Variants in AGAP1 observed in about 807,000 individuals in gnomAD.
The protein encoded by AGAP1 is arf-GAP with GTPase, ANK repeat and PH domain-containing protein 1.
Under a neutral mutation model 105.3 loss-of-function variants are expected in AGAP1, and 29 were observed. The ratio of observed to expected loss-of-function variants is 0.28; its 90% CI spans 0.21 to 0.38. AGAP1 has a LOEUF of 0.38. AGAP1 is among the 10% of genes least tolerant of loss of function. The probability of loss-of-function intolerance (pLI) is 1.00; values close to 1 mark genes in which losing one functional copy is unlikely to be tolerated. For missense variants in AGAP1, 998 were observed against 1,165.1 expected, an observed-to-expected ratio of 0.86 and a Z score of 2.09; for synonymous variants, 509 against 485.9, an observed-to-expected ratio of 1.05 and a Z score of -0.63.
intron 9 of AGAP1, among the ~76,000 whole-genome samples, chr2:235,880,278 C>T (rs530210667): frequency 2.0e-5 from 3 of 152,134 alleles, no homozygotes; most frequent in South Asian, 4.2e-4. Flanking sequence ...TCCCACACGC[C>T]AGCCAGAAGA....
chr2:235,735,724 A>G (rs569026958), intron 3 of AGAP1, among the ~76,000 whole-genome samples: 2 of 152,160 alleles, frequency 1.3e-5, no homozygotes, highest in Admixed American at 1.3e-4. Flanking sequence ...ATTTAGGGAG[A>G]AATTAAGACC....
Position 235,834,873 on chromosome 2 carries a change from T to C in AGAP1, c.1050+27542T>C, listed in dbSNP as rs949724498. 2.6e-5 allele frequency among the ~76,000 whole-genome samples: 4 copies of C among 152,220 alleles called. No individual in the cohort carries two copies. The East Asian group carries it at 5.8e-4, about 22-fold the overall frequency. ...GGTGGAGGATGAGGCCCCTCTGCCA[T>C]AGGGAGAGCCTGTCTTAATCACGCC... On this transcript the variant is annotated intron_variant, in intron 9 of 17. Coordinates refer to ENST00000304032, the MANE Select transcript of AGAP1 (RefSeq NM_001037131.3).
intron 1 of AGAP1, among the ~76,000 whole-genome samples, chr2:235,672,012 T>C (rs760326341): frequency 3.1e-4 from 47 of 152,014 alleles, no homozygotes; most frequent in East Asian, 5.8e-4. Flanking sequence ...CCTGAAGATA[T>C]TGTGGCCACA....
Position 235,615,205 on chromosome 2 carries a change from G to A in AGAP1, c.164-93974G>A, listed in dbSNP as rs946569188. ...ACTTCCACTGCCAGCCAGCTTGCAC[G>A]GTCCAGGGACGTCCCCACCCTCGGT... On this transcript the variant is annotated intron_variant, in intron 1 of 17. Transcript: ENST00000304032. This position sits in a 1 kb window ranked among gnomAD's most constrained non-coding sequence, Gnocchi z 5.0. 1.3e-5 allele frequency among the ~76,000 whole-genome samples: 2 copies of A among 152,164 alleles called. No individual in the cohort carries two copies. The highest frequency in any genetic ancestry group is 2.9e-5 in the Non-Finnish European group (2 of 68,034).
At chr2:235,499,114 T>A (rs1941450553) in intron 1 of AGAP1, among the ~76,000 whole-genome samples, 1 of 152,170 alleles carries the variant, frequency 6.6e-6, no homozygotes, top group Non-Finnish European at 1.5e-5. Flanking sequence ...CTTAGGACAC[T>A]TGTGCGAGAG....
rs1309564774 is a variant in AGAP1, at chr2:235,612,762, C to T, written c.164-96417C>T. Reference sequence around the variant, plus strand: ...GTGCCACCTGGGCTTGCATGCCGGACGCATACCTGGCACCTGCTTCCAGGT... The same window carrying T: ...GTGCCACCTGGGCTTGCATGCCGGATGCATACCTGGCACCTGCTTCCAGGT... On this transcript the variant is annotated intron_variant, in intron 1 of 17. Coordinates refer to ENST00000304032, the MANE Select transcript of AGAP1 (RefSeq NM_001037131.3). The surrounding 1 kb of genome is among the most constrained non-coding windows in gnomAD (Gnocchi z 4.3). Among the ~76,000 whole-genome samples, 3 of 152,258 alleles carry T rather than the reference C, an allele frequency of 2.0e-5. No individual in the cohort carries two copies. The highest frequency in any genetic ancestry group is 1.9e-4 in the East Asian group (1 of 5,158).
chr2:235,941,940 TA>T (rs1305952403), intron 12 of AGAP1, among the ~76,000 whole-genome samples: 3 of 152,122 alleles, frequency 2.0e-5, no homozygotes, highest in Non-Finnish European at 2.9e-5. Flanking sequence ...AAAAGCATTC[TA>T]AAAAGGTTTG....
In AGAP1 at chr2:235,714,335, A is replaced by C. The variant is rs1311468076; in HGVS notation, c.223-3222A>C. ...CCAGCCAGGGGTTAGGTTTCAACAT[A>C]TGAGTTTGGCTGGGAGTGTGGGGGT... On this transcript the variant is annotated intron_variant, in intron 2 of 17. Coordinates refer to ENST00000304032, the MANE Select transcript of AGAP1 (RefSeq NM_001037131.3). The surrounding 1 kb of genome is among the most constrained non-coding windows in gnomAD (Gnocchi z 4.1). Among the ~76,000 whole-genome samples the C allele has an allele frequency of 6.6e-6, 1 of 151,976 alleles. No homozygotes were observed. Among genetic ancestry groups the C allele is most frequent in the African/African-American group, 2.4e-5 (1 of 41,380 alleles).
chr2:236,106,265 C>T (rs1490127062), intron 16 of AGAP1, among the ~76,000 whole-genome samples: 2 of 152,240 alleles, frequency 1.3e-5, no homozygotes, highest in African/African-American at 4.8e-5. Flanking sequence ...ACCGTTGGTC[C>T]ATCTGCAGAG....
Position 236,105,917 on chromosome 2 carries a change from AAG to A in AGAP1, c.2115-14272_2115-14271del, listed in dbSNP as rs911752525. Among the ~76,000 whole-genome samples the A allele has an allele frequency of 1.3e-5, 2 of 152,046 alleles. No homozygotes were observed. The highest frequency in any genetic ancestry group is 1.3e-4 in the Admixed American group (2 of 15,262). ...CGGCCCCTCTTGTGCCTCTTCTTATAAGAGTGAGAATCCCATTCATGGGAGTC... is the reference window on the plus strand; with the variant it reads ...CGGCCCCTCTTGTGCCTCTTCTTATAAGTGAGAATCCCATTCATGGGAGTC... On this transcript the variant is annotated intron_variant, in intron 16 of 17. Transcript: ENST00000304032. The surrounding 1 kb of genome is among the most constrained non-coding windows in gnomAD (Gnocchi z 4.2).
In AGAP1 at chr2:235,957,886, G is replaced by A. The variant is rs930762646; in HGVS notation, c.1484-10576G>A. Among the ~76,000 whole-genome samples the A allele has an allele frequency of 4.6e-5, 7 of 152,012 alleles. No homozygotes were observed. Among genetic ancestry groups the A allele is most frequent in the African/African-American group, 1.7e-4 (7 of 41,372 alleles). ...TTTCCTCTCCTGGCACCTACAAATG[G>A]GCCTGTCTTTGATAATTTTAAATTA... On this transcript the variant is annotated intron_variant, in intron 12 of 17. Transcript: ENST00000304032. This position sits in a 1 kb window ranked among gnomAD's most constrained non-coding sequence, Gnocchi z 4.6.
intron 1 of AGAP1, among the ~76,000 whole-genome samples, chr2:235,499,515 A>T (rs1233295973): frequency 1.6e-4 from 24 of 152,220 alleles, no homozygotes; most frequent in Admixed American, 1.6e-3. Context: ...CCTTAAAAAT[A>T]ACACTCAGTT....
Position 236,105,733 on chromosome 2 carries a change from A to C in AGAP1, c.2115-14459A>C, listed in dbSNP as rs572611195. 6.6e-6 allele frequency among the ~76,000 whole-genome samples: 1 copy of C among 151,590 alleles called. No homozygotes were observed. Among genetic ancestry groups the C allele is most frequent in the African/African-American group, 2.4e-5 (1 of 41,374 alleles). ...CTCAGCCTCCCGAGTAGCTGGGACT[A>C]CAGGCGCCCGCCACCATGCCCGGCT... On this transcript the variant is annotated intron_variant, in intron 16 of 17. Coordinates refer to ENST00000304032, the MANE Select transcript of AGAP1 (RefSeq NM_001037131.3). The surrounding 1 kb of genome is among the most constrained non-coding windows in gnomAD (Gnocchi z 4.2).
At position 235,977,785 on chromosome 2, in the gene AGAP1, C is replaced by G. The variant is rs1406789413; in HGVS notation, c.1645+9162C>G. 6.6e-6 allele frequency among the ~76,000 whole-genome samples: 1 copy of G among 152,150 alleles called. No individual in the cohort carries two copies. Reference sequence around the variant, plus strand: ...GATATTGACTAATGCAAAACTTAGTCTGTGTGGAAGCAACTTGGCAAATGG... The same window carrying G: ...GATATTGACTAATGCAAAACTTAGTGTGTGTGGAAGCAACTTGGCAAATGG... On this transcript the variant is annotated intron_variant, in intron 13 of 17. Transcript: ENST00000304032. The surrounding 1 kb of genome is among the most constrained non-coding windows in gnomAD (Gnocchi z 5.2).
At chr2:235,862,562 G>C (rs2048972537) in intron 9 of AGAP1, among the ~76,000 whole-genome samples, 1 of 152,222 alleles carries the variant, frequency 6.6e-6, no homozygotes, top group Admixed American at 6.5e-5. Flanking sequence ...CCATGGGGTA[G>C]GGCAGTGCAA....
intron 13 of AGAP1, among the ~76,000 whole-genome samples, chr2:236,031,252 C>T (rs897378663): frequency 2.0e-5 from 3 of 152,192 alleles, no homozygotes; most frequent in African/African-American, 7.2e-5. Flanking sequence ...ATTAACTAAA[C>T]TTGAAGTTTG....
At position 236,038,819 on chromosome 2, in the gene AGAP1, A is replaced by G. The variant is rs12052469; in HGVS notation, c.1801-1932A>G. ...GAGAGACAGAGGCACATCCCTTTGT[A>G]TGTGTGTGTGTGTGTGTGTGTGTGT... On this transcript the variant is annotated intron_variant, in intron 14 of 17. Coordinates refer to ENST00000304032, the MANE Select transcript of AGAP1 (RefSeq NM_001037131.3). The surrounding 1 kb of genome is among the most constrained non-coding windows in gnomAD (Gnocchi z 4.5). 0.046 allele frequency among the ~76,000 whole-genome samples: 4,406 copies of G among 95,934 alleles called. 304 individuals carry two copies. The highest frequency in any genetic ancestry group is 0.16 in the South Asian group (515 of 3,156). 62.9% of individuals were successfully genotyped at this position (95,934 alleles called of 152,430 possible). A position where few individuals can be genotyped will look rare whatever the true frequency, so the allele number is the denominator to read the frequency against.
chr2:235,754,042 A>G lies in AGAP1; in HGVS notation c.673+3554A>G, dbSNP rs1953696325. 2.0e-5 allele frequency among the ~76,000 whole-genome samples: 3 copies of G among 152,238 alleles called. No homozygotes were observed. The highest frequency in any genetic ancestry group is 1.5e-5 in the Non-Finnish European group (1 of 68,040). On this transcript the variant is annotated intron_variant, in intron 6 of 17. Transcript: ENST00000304032. The surrounding 1 kb of genome is among the most constrained non-coding windows in gnomAD (Gnocchi z 4.6). ...ACATTGTAAGGTTTATATAAAGTTG[A>G]AGAAATTGAGGCTCAGAGAAATGAC... is the stretch of plus-strand genomic sequence containing the variant.
At position 235,953,291 on chromosome 2, in the gene AGAP1, C is replaced by T. The variant is rs1037931055; in HGVS notation, c.1484-15171C>T. 2.6e-5 allele frequency among the ~76,000 whole-genome samples: 4 copies of T among 152,238 alleles called. No individual in the cohort carries two copies. The highest frequency in any genetic ancestry group is 2.9e-5 in the Non-Finnish European group (2 of 68,010). ...TGATTTAACCCCCAAAAAAGTACCC[C>T]GATGGTTCCCACAGTTGCCTTCTAA... is the stretch of plus-strand genomic sequence containing the variant. On this transcript the variant is annotated intron_variant, in intron 12 of 17. Transcript: ENST00000304032. This position sits in a 1 kb window ranked among gnomAD's most constrained non-coding sequence, Gnocchi z 5.2.
Sources: allele counts gnomAD v4.1 joint callset (sites outside exome capture counted in the v4.1 genomes callset), GRCh38; gene constraint gnomAD v4.1.1; non-coding constraint Gnocchi (gnomAD v3.1); transcripts MANE v1.5; gene names NCBI Gene and HGNC (gene_info 2026-07-23, HGNC 2026-07-21).